Variants in LARP1 observed in about 807,000 individuals in gnomAD.
LARP1 encodes la-related protein 1.
A neutral mutation model predicts 122.7 loss-of-function variants in LARP1; 36 were observed. The observed-to-expected ratio is 0.29, with a 90% CI of 0.22 to 0.39. The LOEUF (loss-of-function observed/expected upper bound fraction) is 0.39. LARP1 is among the 10% of genes least tolerant of loss of function. The pLI, the probability that LARP1 is intolerant of heterozygous loss-of-function variation, is 1.00. For synonymous variants in LARP1, 539 were observed against 528.7 expected, an observed-to-expected ratio of 1.02 and a Z score of -0.27; for missense variants, 1,040 against 1,403.6, an observed-to-expected ratio of 0.74 and a Z score of 4.14.
At chr5:154,688,462 C>T (rs1754039524) in intron 1 of LARP1, among the ~76,000 whole-genome samples, 1 of 151,824 alleles carries the variant, frequency 6.6e-6, no homozygotes, top group African/African-American at 2.4e-5. Flanking sequence ...CCAGTCTGGC[C>T]AACATGGTGA....
chr5:154,781,326 G>T (rs377735476), intron 1 of LARP1, among the ~76,000 whole-genome samples: 21 of 152,306 alleles, frequency 1.4e-4, no homozygotes, highest in East Asian at 9.6e-4. Context: ...TACCTTCTGG[G>T]CTCACGCCTG....
At chr5:154,694,421 ATT>A (rs3060307) in intron 1 of LARP1, among the ~76,000 whole-genome samples, 66,157 of 148,982 alleles carry the variant, frequency 0.44, 15,618 homozygotes, top group Non-Finnish European at 0.54. Flanking sequence ...ATACCTGGCC[ATT>A]TTTTTTTTTT....
chr5:154,752,790 TTAGCTGG>T (rs1210615510), upstream of LARP1, among the ~76,000 whole-genome samples: 4 of 151,734 alleles, frequency 2.6e-5, no homozygotes, highest in Non-Finnish European at 4.4e-5. Context: ...AATACAAAAA[TTAGCTGG>T]GCATGGTGGC....
At chr5:154,786,229 C>T (rs796166735) in intron 1 of LARP1, among the ~76,000 whole-genome samples, 2 of 152,202 alleles carry the variant, frequency 1.3e-5, no homozygotes, top group African/African-American at 4.8e-5. Context: ...TTAGTATAGA[C>T]AGAGTTTCAC....
intron 1 of LARP1, among the ~76,000 whole-genome samples, chr5:154,739,662 A>T (rs4626377): frequency 6.6e-6 from 1 of 150,568 alleles, no homozygotes; most frequent in Admixed American, 6.6e-5. Flanking sequence ...GCCTCTCAAA[A>T]TGCTGGAATT....
At chr5:154,746,497 TAC>T (rs1753206549) in intron 1 of LARP1, among the ~76,000 whole-genome samples, 1 of 152,258 alleles carries the variant, frequency 6.6e-6, no homozygotes, top group African/African-American at 2.4e-5. Flanking sequence ...TTTCTATGAA[TAC>T]TATCTGTGTC....
intron 1 of LARP1, among the ~76,000 whole-genome samples, chr5:154,758,454 C>A (rs1398003603): frequency 6.6e-6 from 1 of 152,236 alleles, no homozygotes; most frequent in Non-Finnish European, 1.5e-5. Context: ...AGTAGCTTCT[C>A]TCTCTAAGCC....
intron 1 of LARP1, among the ~76,000 whole-genome samples, chr5:154,786,241 A>T (rs1561602231): frequency 6.6e-6 from 1 of 152,062 alleles, no homozygotes. Flanking sequence ...GAGTTTCACC[A>T]TGTTGGCCAG....
chr5:154,814,041 G>A lies in LARP1; in HGVS notation c.3236G>A (p.Arg1079Gln), dbSNP rs776739974. 34 of 1,614,040 alleles carry A rather than the reference G, an allele frequency of 2.1e-5. No individual in the cohort carries two copies. In the Admixed American group the frequency reaches 2.3e-4, roughly 11 times the overall value. ...PPTPPTGQPVREDAKWTSQHS... is the reference protein window; with the variant it reads ...PPTPPTGQPVQEDAKWTSQHS... Reference sequence around the variant, plus strand: ...ACACCACCCACCGGCCAGCCTGTCCGGGAAGATGCCAAATGGACAAGCCAG... The same window carrying A: ...ACACCACCCACCGGCCAGCCTGTCCAGGAAGATGCCAAATGGACAAGCCAG... The change falls in exon 19 of 19, where the codon CGG (arginine) becomes CAG (glutamine). Residue 1079 changes from arginine (R) to glutamine (Q), a missense_variant. Coordinates refer to ENST00000518297, the MANE Select transcript of LARP1 (RefSeq NM_033551.3).
intron 8 of LARP1, 97 bp downstream of exon 8, chr5:154,795,416 T>G: frequency 1.2e-5 from 14 of 1,196,480 alleles, no homozygotes; most frequent in Admixed American, 2.4e-5. Flanking sequence ...AGAGTCATCA[T>G]CTGATGACTT....
intron 1 of LARP1, among the ~76,000 whole-genome samples, chr5:154,750,030 C>T (rs561780858): frequency 1.3e-5 from 2 of 152,338 alleles, no homozygotes; most frequent in South Asian, 4.1e-4. Context: ...GCTCAGGAGG[C>T]TGCCCAAAGT....
At chr5:154,766,447 C>T (rs1186380395) in intron 1 of LARP1, among the ~76,000 whole-genome samples, 1 of 152,220 alleles carries the variant, frequency 6.6e-6, no homozygotes, top group East Asian at 1.9e-4. Flanking sequence ...ACTGTCATCA[C>T]TTAGGGGTAG....
rs570887721 is a variant in LARP1 at position 154,740,638 on chromosome 5, G to A, written c.205+27508G>A. The stretch of plus-strand genomic sequence containing the variant: ...GGAATTCCACCCAGGCAGCCTGGCC[G>A]GAAGCCCAGGCCTTTCACCCCTATG... On this transcript the variant is annotated intron_variant, in intron 1 of 18. Coordinates refer to the LARP1 transcript ENST00000336314. Among the ~76,000 whole-genome samples, 6 of 152,242 alleles carry A rather than the reference G, an allele frequency of 3.9e-5. No homozygotes were observed. In the South Asian group the frequency reaches 6.2e-4, roughly 16 times the overall value.
Position 154,755,552 on chromosome 5 carries a change from C to T in LARP1, c.-206C>T. The T allele has an allele frequency of 2.0e-6, 2 of 987,424 alleles. No homozygotes were observed. The highest frequency in any genetic ancestry group is 2.4e-6 in the Non-Finnish European group (2 of 830,082). The allele number at this position is 987,424 out of a possible 1,614,324, so 61.2% of individuals were successfully genotyped here. ...CTGCAGAGTGGGGGGCCTTCCTCCC[C>T]CCCCGCCCCGCTAGTGGGCCTCGGA... On this transcript the variant is annotated 5_prime_UTR_variant, in exon 1 of 19. Coordinates refer to ENST00000518297, the MANE Select transcript of LARP1 (RefSeq NM_033551.3).
At chr5:154,808,745 A>G in intron 16 of LARP1, 142 bp downstream of exon 16, 1 of 803,200 alleles carries the variant, frequency 1.2e-6, no homozygotes, top group Non-Finnish European at 1.9e-6. Context: ...TTGTTTTTAA[A>G]TGAGCAGTAT....
In LARP1 at chr5:154,756,184, TC is replaced by T; in HGVS notation, c.434del (p.Pro145GlnfsTer10). 22 of 1,300,334 alleles carry T rather than the reference TC, an allele frequency of 1.7e-5. No individual in the cohort carries two copies. The highest frequency in any genetic ancestry group is 6.9e-5 in the East Asian group (1 of 14,530). The allele number at this position is 1,300,334 out of a possible 1,614,324, so 80.5% of individuals were successfully genotyped here. The part of the protein sequence containing the change: ...PPVLTTVNGQ[S>X]PPEHSAPAKV... ...GGTCCTGACCACCGTGAACGGACAG[TC>T]CCCCCCAGGTGGGTCTCCCTCCTTG... is the stretch of plus-strand genomic sequence containing the variant. On this transcript the variant is annotated frameshift_variant, in exon 1 of 19. Coordinates refer to ENST00000518297, the MANE Select transcript of LARP1 (RefSeq NM_033551.3). LOFTEE classifies it high-confidence loss of function.
At chr5:154,687,471 T>A (rs746290841) in intron 1 of LARP1, among the ~76,000 whole-genome samples, 60 of 152,346 alleles carry the variant, frequency 3.9e-4, no homozygotes, top group Admixed American at 1.3e-3. Flanking sequence ...AAGCTCCGCC[T>A]CCTGGGTTCA....
Position 154,796,593 on chromosome 5 carries a change from T to G in LARP1, c.1377+1274T>G, listed in dbSNP as rs138954552. ...TTTCCCCTCCTTGTCAAGAATACTTTATCATAATGATGTATTTTCTCTCAG... is the reference window on the plus strand; with the variant it reads ...TTTCCCCTCCTTGTCAAGAATACTTGATCATAATGATGTATTTTCTCTCAG... On this transcript the variant is annotated intron_variant, in intron 8 of 18. Transcript: ENST00000518297. Among the ~76,000 whole-genome samples the G allele has an allele frequency of 2.5e-3, 387 of 152,320 alleles. 2 individuals are homozygous for G. Among genetic ancestry groups the G allele is most frequent in the African/African-American group, 9.1e-3 (380 of 41,574 alleles).
At chr5:154,785,469 G>C (rs1756806849) in intron 1 of LARP1, among the ~76,000 whole-genome samples, 1 of 152,116 alleles carries the variant, frequency 6.6e-6, no homozygotes, top group African/African-American at 2.4e-5. Context: ...GCATTTGTTG[G>C]GCATTTATTG....
Sources: allele counts gnomAD v4.1 joint callset (sites outside exome capture counted in the v4.1 genomes callset), GRCh38; gene constraint gnomAD v4.1.1; transcripts MANE v1.5; gene names NCBI Gene and HGNC (gene_info 2026-07-23, HGNC 2026-07-21).